The following IQSEC1 variants were observed in gnomAD, a reference collection of about 807,000 sequenced individuals.
IQSEC1 encodes the protein IQ motif and SEC7 domain-containing protein 1.
IQSEC1 carries 31 observed loss-of-function variants against 91.0 expected under a neutral mutation model. That is an observed-to-expected ratio of 0.34 (90% CI 0.26 to 0.46). IQSEC1 has a LOEUF of 0.46. IQSEC1 is among the 20% of genes least tolerant of loss of function. The pLI is 1.00. For synonymous variants in IQSEC1, 699 were observed against 662.6 expected, an observed-to-expected ratio of 1.05 and a Z score of -0.84; for missense variants, 1,388 against 1,575.6, an observed-to-expected ratio of 0.88 and a Z score of 2.02.
chr3:13,163,262 G>C (rs907862455), intron 2 of IQSEC1, among the ~76,000 whole-genome samples: 2 of 152,048 alleles, frequency 1.3e-5, no homozygotes, highest in East Asian at 1.9e-4. Flanking sequence ...GCATCCTCAC[G>C]GCCAAGCTCA....
chr3:12,999,185 C>T (rs6795438), intron 1 of IQSEC1, among the ~76,000 whole-genome samples: 3,827 of 152,186 alleles, frequency 0.025, 68 homozygotes, highest in South Asian at 0.073. Context: ...TTCTGAGCCT[C>T]AAGGTCCCCT....
chr3:12,929,399 C>A (rs1268884696), intron 3 of IQSEC1, among the ~76,000 whole-genome samples: 1 of 152,184 alleles, frequency 6.6e-6, no homozygotes, highest in Non-Finnish European at 1.5e-5. Flanking sequence ...GAAAGCCCAC[C>A]CTGACGAGAT....
chr3:13,255,316 T>G (rs1347517886), intron 1 of IQSEC1, among the ~76,000 whole-genome samples: 1 of 152,162 alleles, frequency 6.6e-6, no homozygotes, highest in Non-Finnish European at 1.5e-5. Flanking sequence ...GACGGAGGTC[T>G]GTCCCCTGAT....
chr3:13,009,193 A>G (rs1702764448), intron 1 of IQSEC1, among the ~76,000 whole-genome samples: 1 of 152,174 alleles, frequency 6.6e-6, no homozygotes, highest in South Asian at 2.1e-4. Context: ...CAGATGTCAA[A>G]CTGAGGCCCA....
intron 1 of IQSEC1, among the ~76,000 whole-genome samples, chr3:13,266,856 G>C (rs139389147): frequency 1.3e-5 from 2 of 152,046 alleles, no homozygotes; most frequent in African/African-American, 4.8e-5. Flanking sequence ...CCCCCAAAAC[G>C]GGGTGCTCCA....
At chr3:13,057,692 C>T (rs1559241889) in intron 1 of IQSEC1, among the ~76,000 whole-genome samples, 2 of 152,198 alleles carry the variant, frequency 1.3e-5, no homozygotes, top group Non-Finnish European at 2.9e-5. Context: ...CGCCTGCCAG[C>T]CTGGGGGCCC....
chr3:13,192,260 C>T (rs900158818), intron 1 of IQSEC1, among the ~76,000 whole-genome samples: 1 of 151,748 alleles, frequency 6.6e-6, no homozygotes, highest in Non-Finnish European at 1.5e-5. Context: ...ATGGCGTGAC[C>T]CCGGGAGGCG....
At chr3:12,902,689 AAAAAAC>A in intron 13 of IQSEC1, 78 bp downstream of exon 13, 1 of 710,068 alleles carries the variant, frequency 1.4e-6, no homozygotes, top group Non-Finnish European at 2.3e-6. Context: ...AAAAAAAAAA[AAAAAAC>A]CAGGACAACA....
chr3:13,003,828 A>G (rs1702525947), intron 1 of IQSEC1, among the ~76,000 whole-genome samples: 1 of 152,204 alleles, frequency 6.6e-6, no homozygotes, highest in Admixed American at 6.5e-5. Flanking sequence ...ATGTAAGAGA[A>G]TGTCCTTGTT....
At position 13,207,763 on chromosome 3, in the gene IQSEC1, C is replaced by T. The variant is rs1332795459; in HGVS notation, c.273-43630G>A. On this transcript the variant is annotated intron_variant, in intron 1 of 15. Transcript: ENST00000648114. This position sits in a 1 kb window ranked among gnomAD's most constrained non-coding sequence, Gnocchi z 4.8. ...GCTCTCCCGGGAGGCTCTCTCTCAC[C>T]ATCGCATCTAAACCAACCATCCCTG... Among the ~76,000 whole-genome samples the T allele has an allele frequency of 2.6e-5, 4 of 152,144 alleles. No homozygotes were observed. Among genetic ancestry groups the T allele is most frequent in the Non-Finnish European group, 5.9e-5 (4 of 68,026 alleles).
At chr3:13,092,050 G>A (rs1705870582) in intron 2 of IQSEC1, among the ~76,000 whole-genome samples, 1 of 152,162 alleles carries the variant, frequency 6.6e-6, no homozygotes, top group African/African-American at 2.4e-5. Context: ...AGGAAGCTAA[G>A]CACAGCTCTT....
chr3:12,927,598 T>G (rs1038748176), intron 3 of IQSEC1, among the ~76,000 whole-genome samples: 5 of 152,226 alleles, frequency 3.3e-5, no homozygotes, highest in African/African-American at 1.2e-4. Context: ...ATCCAGGGAC[T>G]TCCAGGACAA....
chr3:13,073,773 C>T (rs1187167727), upstream of IQSEC1, among the ~76,000 whole-genome samples: 4 of 152,248 alleles, frequency 2.6e-5, no homozygotes, highest in Non-Finnish European at 5.9e-5. Flanking sequence ...TGAGGCCGGC[C>T]GACTCCAAGG....
chr3:13,202,518 T>C (rs1364993308), intron 1 of IQSEC1, among the ~76,000 whole-genome samples: 2 of 152,094 alleles, frequency 1.3e-5, no homozygotes, highest in Non-Finnish European at 2.9e-5. Flanking sequence ...CTAGGTGACA[T>C]AAGCCAGTCA....
At chr3:13,192,337 CAAA>C (rs540610255) in intron 1 of IQSEC1, among the ~76,000 whole-genome samples, 65 of 94,960 alleles carry the variant, frequency 6.8e-4, no homozygotes, top group Middle Eastern at 6.6e-3. Context: ...GACTCTGTCT[CAAA>C]AAAAAAAAAA....
intron 1 of IQSEC1, among the ~76,000 whole-genome samples, chr3:13,011,911 CA>C: frequency 1.3e-5 from 2 of 152,002 alleles, no homozygotes; most frequent in Admixed American, 1.3e-4. Context: ...TGAGCCTGGC[CA>C]ATGAGTGAGT....
chr3:13,090,745 C>G (rs570266478), intron 2 of IQSEC1, among the ~76,000 whole-genome samples: 1 of 152,190 alleles, frequency 6.6e-6, no homozygotes, highest in Admixed American at 6.5e-5. Flanking sequence ...AGGTGCTCTG[C>G]TGGGCCTGAG....
At chr3:13,242,004 C>T (rs1458460015) in intron 1 of IQSEC1, among the ~76,000 whole-genome samples, 1 of 152,194 alleles carries the variant, frequency 6.6e-6, no homozygotes, top group Non-Finnish European at 1.5e-5. Context: ...ATGTGCTTTA[C>T]CACAACGTAT....
chr3:13,167,746 TC>T lies in IQSEC1; in HGVS notation c.273-3614del, dbSNP rs1693526376. 3.3e-5 allele frequency among the ~76,000 whole-genome samples: 5 copies of T among 152,214 alleles called. No homozygotes were observed. The South Asian group carries it at 1.0e-3, about 31-fold the overall frequency. On this transcript the variant is annotated intron_variant, in intron 1 of 15. Coordinates refer to the IQSEC1 transcript ENST00000648114. ...AAGTGATAGTGTTTGTCGCTCTGGT[TC>T]CTCTTCTGCAGTGGAACCTGCAGAC...
Sources: allele counts gnomAD v4.1 joint callset (sites outside exome capture counted in the v4.1 genomes callset), GRCh38; gene constraint gnomAD v4.1.1; non-coding constraint Gnocchi (gnomAD v3.1); transcripts MANE v1.5; gene names NCBI Gene and HGNC (gene_info 2026-07-23, HGNC 2026-07-21).